The following KALRN variants were observed in gnomAD, a reference collection of about 807,000 sequenced individuals.
KALRN encodes kalirin RhoGEF kinase.
Under a neutral mutation model 353.7 loss-of-function variants are expected in KALRN, and 70 were observed. That is an observed-to-expected ratio of 0.20 (90% CI 0.16 to 0.24). KALRN has a LOEUF of 0.24. Ranked by LOEUF, KALRN falls within the 10% of genes least tolerant of loss-of-function variation. The pLI is 1.00. For synonymous variants in KALRN, 1,391 were observed against 1,434.8 expected, an observed-to-expected ratio of 0.97 and a Z score of 0.69; for missense variants, 2,791 against 3,756.7, an observed-to-expected ratio of 0.74 and a Z score of 6.72.
chr3:124,430,884 C>G, intron 16 of KALRN, 109 bp downstream of exon 16: 1 of 1,336,352 alleles, frequency 7.5e-7, no homozygotes, highest in South Asian at 1.5e-5. Flanking sequence ...AGGCTGTACC[C>G]CTTCTAGTAG....
At chr3:124,308,602 G>A (rs912218538) in intron 6 of KALRN, among the ~76,000 whole-genome samples, 1 of 151,762 alleles carries the variant, frequency 6.6e-6, no homozygotes, top group African/African-American at 2.4e-5. Context: ...AGGAGAATTG[G>A]AAACTAATTT....
intron 16 of KALRN, 141 bp from the exon 17 acceptor site, chr3:124,434,166 A>G (rs925228292): frequency 2.6e-5 from 16 of 613,460 alleles, no homozygotes; most frequent in Non-Finnish European, 3.8e-5. Flanking sequence ...ATAATAATGT[A>G]TTAATGGTCA....
At chr3:124,490,652 G>C (rs772911395) in intron 29 of KALRN, 42 bp from the exon 30 acceptor site, 1 of 1,581,398 alleles carries the variant, frequency 6.3e-7, no homozygotes, top group Admixed American at 1.7e-5. Context: ...CCTGACTGTG[G>C]CAGTAGAGAA....
chr3:124,348,122 T>C (rs1444750), intron 10 of KALRN, among the ~76,000 whole-genome samples: 122,950 of 152,156 alleles, frequency 0.81, 50,229 homozygotes, highest in Middle Eastern at 0.89. Flanking sequence ...CAGGCGTGAT[T>C]AGCTGCCATG....
In KALRN at chr3:124,657,746, G is replaced by C; in HGVS notation, c.5979G>C (p.Ala1993=). 1 of 1,613,144 alleles carries C rather than the reference G, an allele frequency of 6.2e-7. No homozygotes were observed. Among genetic ancestry groups the C allele is most frequent in the South Asian group, 1.1e-5 (1 of 91,030 alleles). ...TTTCTCCTTTTAGTTTTTTCCTGGC[G>C]GAACTGGAAAAGTGTATCCAGGAGC... is the stretch of plus-strand genomic sequence containing the variant. ...IYDWHKDFFL[A]ELEKCIQEQD... is the part of the protein sequence containing the mutation. Residue 1993 remains alanine, a synonymous_variant, in exon 41 of 60, where the codon GCG becomes GCC. Transcript: ENST00000682506.
chr3:124,166,151 G>A (rs1302578815), intron 1 of KALRN, among the ~76,000 whole-genome samples: 1 of 152,038 alleles, frequency 6.6e-6, no homozygotes, highest in East Asian at 1.9e-4. Context: ...CCATCCCAGC[G>A]TCACACCCCA....
chr3:124,701,030 C>T (rs2062300268), intron 56 of KALRN, among the ~76,000 whole-genome samples: 1 of 152,200 alleles, frequency 6.6e-6, no homozygotes, highest in African/African-American at 2.4e-5. Context: ...CTCTGGGAAA[C>T]CTGAGGGAAC....
chr3:124,266,237 G>T (rs1279206282), intron 4 of KALRN, among the ~76,000 whole-genome samples: 1 of 152,134 alleles, frequency 6.6e-6, no homozygotes, highest in Non-Finnish European at 1.5e-5. Context: ...TAAAATGCAG[G>T]TGATAAAACA....
chr3:124,044,624 A>G (rs2040258278), intron 1 of KALRN, among the ~76,000 whole-genome samples: 1 of 151,960 alleles, frequency 6.6e-6, no homozygotes, highest in Admixed American at 6.6e-5. Flanking sequence ...CAAAAAAAAA[A>G]AAAAAAAAAA....
intron 6 of KALRN, among the ~76,000 whole-genome samples, chr3:124,300,274 G>A (rs1396093022): frequency 6.6e-6 from 1 of 152,202 alleles, no homozygotes; most frequent in African/African-American, 2.4e-5. Context: ...TAATCATGGT[G>A]CAGCTTGATA....
chr3:124,296,992 A>T (rs1048845127), intron 5 of KALRN, among the ~76,000 whole-genome samples: 1 of 152,052 alleles, frequency 6.6e-6, no homozygotes, highest in African/African-American at 2.4e-5. Flanking sequence ...TGTTTTTTTG[A>T]GTTGTAATTT....
At chr3:124,679,411 TCTAA>T (rs1414290566) in intron 50 of KALRN, 43 bp from the exon 51 acceptor site, 1 of 1,544,090 alleles carries the variant, frequency 6.5e-7, no homozygotes, top group Non-Finnish European at 8.9e-7. Context: ...CTACTTGTGT[TCTAA>T]CTGTGTTCTC....
At chr3:124,656,498 C>G (rs1007749604) in intron 39 of KALRN, among the ~76,000 whole-genome samples, 3 of 152,108 alleles carry the variant, frequency 2.0e-5, no homozygotes, top group Non-Finnish European at 4.4e-5. Context: ...GTAGTCCCAG[C>G]TACTCAGGAG....
chr3:124,250,434 G>A (rs1276244766), intron 3 of KALRN, among the ~76,000 whole-genome samples: 1 of 152,168 alleles, frequency 6.6e-6, no homozygotes, highest in African/African-American at 2.4e-5. Context: ...CAGGTCGGGT[G>A]CAGCACCTGA....
At chr3:124,047,491 C>CTT (rs33947722) in intron 1 of KALRN, among the ~76,000 whole-genome samples, 24 of 108,508 alleles carry the variant, frequency 2.2e-4, no homozygotes, top group Non-Finnish European at 3.2e-4. Flanking sequence ...TCATAGAACA[C>CTT]TTTTTTTTTT....
intron 17 of KALRN, among the ~76,000 whole-genome samples, chr3:124,436,364 A>G (rs1282147176): frequency 6.6e-6 from 1 of 152,254 alleles, no homozygotes; most frequent in Admixed American, 6.5e-5. Context: ...TTCTAAGTTC[A>G]GTCCTATCAT....
chr3:124,269,110 A>T lies in KALRN; in HGVS notation c.824A>T (p.Asp275Val). The change falls in exon 5 of 60, where the codon GAC becomes GTC. Residue 275 changes from aspartate (D) to valine (V), a missense_variant. This residue lies in a region of KALRN where 366 missense variants were observed against 489.2 expected (regional missense o/e 0.75). Coordinates refer to ENST00000682506, the MANE Select transcript of KALRN (RefSeq NM_001388419.1). ...SGRNCIPGSA[D>V]FQSLVPKITS... is the part of the protein sequence containing the mutation. ...CGCAACTGCATCCCGGGCAGTGCTGACTTCCAGAGCCTGGTGCCCAAGATC... is the reference window on the plus strand; with the variant it reads ...CGCAACTGCATCCCGGGCAGTGCTGTCTTCCAGAGCCTGGTGCCCAAGATC... 1 of 1,613,236 alleles carries T rather than the reference A, an allele frequency of 6.2e-7. No individual in the cohort carries two copies. Among genetic ancestry groups the T allele is most frequent in the Non-Finnish European group, 8.5e-7 (1 of 1,179,790 alleles).
intron 1 of KALRN, among the ~76,000 whole-genome samples, chr3:124,130,077 A>G (rs532912169): frequency 1.5e-4 from 23 of 152,360 alleles, no homozygotes; most frequent in African/African-American, 4.8e-4. Flanking sequence ...AACTTTTACC[A>G]TTCAGGACAT....
At chr3:124,351,339 G>C (rs549569871) in intron 10 of KALRN, among the ~76,000 whole-genome samples, 2 of 152,264 alleles carry the variant, frequency 1.3e-5, no homozygotes, top group South Asian at 2.1e-4. Context: ...GTAGGAGCCT[G>C]GGGTAACTTA....
Sources: gnomAD v4.1 joint callset for allele counts (sites outside exome capture counted in the v4.1 genomes callset) on GRCh38, gnomAD v4.1.1 for gene constraint, gnomAD v4.1.1 regional missense constraint, MANE v1.5 for transcripts, NCBI Gene and HGNC (gene_info 2026-07-23, HGNC 2026-07-21) for gene names.